PLEKHA7: variants seen among roughly 807,000 people sequenced by gnomAD.
PLEKHA7 encodes pleckstrin homology domain containing A7.
Under a neutral mutation model 170.0 loss-of-function variants are expected in PLEKHA7, and 104 were observed. The ratio of observed to expected loss-of-function variants is 0.61; its 90% CI spans 0.52 to 0.72. PLEKHA7 has a LOEUF of 0.72. Among genes scored for constraint, PLEKHA7 ranks in the 30% least tolerant of loss-of-function variants. The pLI is 0.00. For synonymous variants in PLEKHA7, 648 were observed against 660.8 expected (o/e 0.98, Z 0.30); for missense variants, 1,615 against 1,671.7 (o/e 0.97, Z 0.59).
At chr11:16,837,284 C>A (rs1405231788) in intron 9 of PLEKHA7, among the ~76,000 whole-genome samples, 3 of 152,190 alleles carry the variant, frequency 2.0e-5, no homozygotes, top group African/African-American at 7.2e-5. Flanking sequence ...CCTTCCAACA[C>A]CAAAATCTGA....
intron 3 of PLEKHA7, among the ~76,000 whole-genome samples, chr11:17,009,411 T>A (rs938463847): frequency 6.6e-6 from 1 of 152,228 alleles, no homozygotes; most frequent in Non-Finnish European, 1.5e-5. Context: ...TAGTAGTTCC[T>A]ACCTCATCAA....
intron 13 of PLEKHA7, among the ~76,000 whole-genome samples, chr11:16,806,410 T>A (rs1234506062): frequency 2.0e-5 from 3 of 152,222 alleles, no homozygotes; most frequent in Non-Finnish European, 1.5e-5. Context: ...CCCCCCAGCA[T>A]CTCTGTCATC....
At chr11:16,979,101 G>C (rs182538383) in intron 3 of PLEKHA7, among the ~76,000 whole-genome samples, 1 of 152,260 alleles carries the variant, frequency 6.6e-6, no homozygotes, top group Non-Finnish European at 1.5e-5. Context: ...GCAGTGGCAC[G>C]ATCTTGGCTC....
intron 24 of PLEKHA7, among the ~76,000 whole-genome samples, chr11:16,785,188 G>A (rs528210130): frequency 2.2e-4 from 33 of 152,264 alleles, no homozygotes; most frequent in Admixed American, 4.6e-4. Flanking sequence ...CTTGTGAATG[G>A]GCCTGGCACC....
chr11:16,826,079 T>C, intron 10 of PLEKHA7, 41 bp downstream of exon 10: 1 of 1,574,668 alleles, frequency 6.4e-7, no homozygotes. Context: ...CACTACATTA[T>C]CGTGCTCGTT....
Position 16,938,108 on chromosome 11 carries a change from C to T in PLEKHA7, c.222-66926G>A, listed in dbSNP as rs547720306. On this transcript the variant is annotated intron_variant, in intron 3 of 26. Transcript: ENST00000531066. ...TTTCCCTAGTCCTGATTTCAAATTCCTATTTCTATTTTATCATTGTATCTA... is the reference window on the plus strand; with the variant it reads ...TTTCCCTAGTCCTGATTTCAAATTCTTATTTCTATTTTATCATTGTATCTA... 4.7e-4 allele frequency among the ~76,000 whole-genome samples: 72 copies of T among 152,184 alleles called. 1 individual carries two copies. Among genetic ancestry groups the T allele is most frequent in the Middle Eastern group, 6.8e-3 (2 of 294 alleles).
At chr11:16,842,280 T>G (rs565215013) in intron 8 of PLEKHA7, 1 of 153,576 alleles carries the variant, frequency 6.5e-6, no homozygotes, top group South Asian at 2.1e-4. Flanking sequence ...GGCTGCGACA[T>G]CTGTCACCCC....
At chr11:17,008,637 T>G (rs937321250) in intron 3 of PLEKHA7, among the ~76,000 whole-genome samples, 1 of 152,218 alleles carries the variant, frequency 6.6e-6, no homozygotes, top group African/African-American at 2.4e-5. Flanking sequence ...AGATGCCAAG[T>G]GCCTACTCAG....
At chr11:17,005,718 G>A (rs530655094) in intron 3 of PLEKHA7, among the ~76,000 whole-genome samples, 6 of 152,242 alleles carry the variant, frequency 3.9e-5, no homozygotes, top group African/African-American at 9.6e-5. Context: ...TCTTAAAGAC[G>A]TTTCCTTAAA....
intron 10 of PLEKHA7, among the ~76,000 whole-genome samples, chr11:16,818,842 T>C (rs529178351): frequency 4.3e-4 from 65 of 152,240 alleles, no homozygotes; most frequent in Middle Eastern, 6.8e-3. Flanking sequence ...CTTGCTCTTT[T>C]GCCCAGGCTG....
At chr11:16,921,018 G>A (rs1256548956) in intron 3 of PLEKHA7, among the ~76,000 whole-genome samples, 1 of 152,250 alleles carries the variant, frequency 6.6e-6, no homozygotes, top group Non-Finnish European at 1.5e-5. Flanking sequence ...ATTCGGGGCT[G>A]TAATCATAAC....
At chr11:16,876,221 C>G (rs1855282842) in intron 3 of PLEKHA7, among the ~76,000 whole-genome samples, 1 of 152,182 alleles carries the variant, frequency 6.6e-6, no homozygotes, top group Non-Finnish European at 1.5e-5. Context: ...CAGACACATC[C>G]CCTGAAATAC....
In PLEKHA7 at chr11:16,816,219, T is replaced by C. The variant is rs1205912087; in HGVS notation, c.1912A>G (p.Met638Val). Residue 638 changes from methionine to valine, a missense_variant, in exon 12 of 27, where the codon ATG becomes GTG. Transcript: ENST00000531066. ...DRRSMPSMGY[M>V]THTVSAPSLH... ...CTGGGAGCGCTGACGGTGTGGGTCA[T>C]GTAACCCATGGAGGGCATGGAGCGT... The C allele has an allele frequency of 1.2e-6, 2 of 1,613,884 alleles. No individual in the cohort carries two copies. Among genetic ancestry groups the C allele is most frequent in the African/African-American group, 1.3e-5 (1 of 74,904 alleles).
chr11:16,867,824 C>T (rs1353829799), intron 4 of PLEKHA7, among the ~76,000 whole-genome samples: 1 of 152,232 alleles, frequency 6.6e-6, no homozygotes, highest in Non-Finnish European at 1.5e-5. Context: ...CACCTACACA[C>T]ATGCACGTGT....
intron 24 of PLEKHA7, 121 bp downstream of exon 24, chr11:16,786,108 G>A: frequency 8.4e-7 from 1 of 1,189,682 alleles, no homozygotes; most frequent in Non-Finnish European, 1.2e-6. Flanking sequence ...ATCCTCCTAG[G>A]CCACACTGAA....
At chr11:16,882,366 C>T (rs1016262970) in intron 3 of PLEKHA7, among the ~76,000 whole-genome samples, 5 of 152,180 alleles carry the variant, frequency 3.3e-5, no homozygotes, top group Non-Finnish European at 7.3e-5. Context: ...CTTTAGGGCC[C>T]CTCACTTTCA....
chr11:16,904,028 C>G (rs1281114752), intron 3 of PLEKHA7, among the ~76,000 whole-genome samples: 1 of 152,216 alleles, frequency 6.6e-6, no homozygotes, highest in African/African-American at 2.4e-5. Context: ...TCCCTCAGAT[C>G]TTTCACAGCC....
intron 3 of PLEKHA7, among the ~76,000 whole-genome samples, chr11:16,992,101 C>T (rs1396890369): frequency 6.6e-6 from 1 of 152,010 alleles, no homozygotes; most frequent in Non-Finnish European, 1.5e-5. Context: ...GCATGCAGGT[C>T]TGGGAGCTGC....
chr11:16,930,638 G>A (rs1430940391), intron 3 of PLEKHA7, among the ~76,000 whole-genome samples: 4 of 152,036 alleles, frequency 2.6e-5, no homozygotes, highest in Non-Finnish European at 5.9e-5. Flanking sequence ...GCTGCCATTA[G>A]GTTACATTTT....
Sources: gnomAD v4.1 joint callset for allele counts (sites outside exome capture counted in the v4.1 genomes callset) on GRCh38, gnomAD v4.1.1 for gene constraint, MANE v1.5 for transcripts, NCBI Gene and HGNC (gene_info 2026-07-23, HGNC 2026-07-21) for gene names.